ERBIN: variants seen among roughly 807,000 people sequenced by gnomAD.
The protein encoded by ERBIN is densin-180-like protein.
A neutral mutation model predicts 158.4 loss-of-function variants in ERBIN; 60 were observed. That is an observed-to-expected ratio of 0.38 (90% confidence interval 0.31 to 0.47). The LOEUF is 0.47. Among genes scored for constraint, ERBIN ranks in the 20% least tolerant of loss-of-function variants. The probability of loss-of-function intolerance (pLI) is 0.99; values close to 1 mark genes in which losing one functional copy is unlikely to be tolerated. For missense variants in ERBIN, 1,610 were observed against 1,648.0 expected, an observed-to-expected ratio of 0.98 and a Z score of 0.40; for synonymous variants, 594 against 557.2, an observed-to-expected ratio of 1.07 and a Z score of -0.93.
chr5:66,065,659 GTTT>G (rs1760919578), intron 21 of ERBIN, among the ~76,000 whole-genome samples: 1 of 121,068 alleles, frequency 8.3e-6, no homozygotes, highest in Non-Finnish European at 1.7e-5. Context: ...GTGTGTGTGT[GTTT>G]TGCTTTGTAT....
chr5:66,067,662 AAT>A (rs1413053939), intron 21 of ERBIN, among the ~76,000 whole-genome samples: 1 of 152,192 alleles, frequency 6.6e-6, no homozygotes, highest in Admixed American at 6.5e-5. Flanking sequence ...TAACTCCTAA[AAT>A]ATAGTGATCT....
rs557730935 is a variant in ERBIN at position 65,985,718 on chromosome 5, G to A, written c.-57-2917G>A. Among the ~76,000 whole-genome samples, 8 of 152,088 alleles carry A rather than the reference G, an allele frequency of 5.3e-5. No homozygotes were observed. In the South Asian group the frequency reaches 1.2e-3, roughly 24 times the overall value. On this transcript the variant is annotated intron_variant, in intron 1 of 25. Coordinates refer to ENST00000284037, the MANE Select transcript of ERBIN (RefSeq NM_001253697.2). ...TATCTCTTCATTCATATTCGGGTCC[G>A]GCAACTACTTGATTTTTCTAATGTT...
chr5:66,050,988 T>C, intron 20 of ERBIN, 22 bp downstream of exon 20: 1 of 1,511,310 alleles, frequency 6.6e-7, no homozygotes, highest in South Asian at 1.2e-5. Context: ...TCTTTTACAG[T>C]TTTTTATTTA....
At chr5:66,032,527 C>T (rs1005308688) in intron 14 of ERBIN, among the ~76,000 whole-genome samples, 2 of 152,090 alleles carry the variant, frequency 1.3e-5, no homozygotes, top group Non-Finnish European at 2.9e-5. Context: ...TATCTGCCAT[C>T]AGTATAAAAG....
intron 21 of ERBIN, among the ~76,000 whole-genome samples, chr5:66,066,752 C>G (rs374877369): frequency 3.9e-5 from 6 of 152,266 alleles, no homozygotes; most frequent in Admixed American, 2.6e-4. Context: ...GTAAGTGTTA[C>G]GTTCACTCGT....
intron 21 of ERBIN, among the ~76,000 whole-genome samples, chr5:66,058,447 A>G (rs1199725377): frequency 1.3e-5 from 2 of 151,768 alleles, no homozygotes; most frequent in East Asian, 3.9e-4. Context: ...CCTTTGTCAG[A>G]TGAGTAGGTT....
chr5:65,930,460 A>G lies in ERBIN; in HGVS notation c.-58+3654A>G, dbSNP rs145257497. 6.2e-3 allele frequency among the ~76,000 whole-genome samples: 951 copies of G among 152,230 alleles called. 12 individuals are homozygous for G. The highest frequency in any genetic ancestry group is 0.022 in the African/African-American group (911 of 41,544). Reference sequence around the variant, plus strand: ...GTAGCTGGGACTAGAGGCGCCCGCCACTGTGCCCGGCTAATTTTTTTGTAT... The same window carrying G: ...GTAGCTGGGACTAGAGGCGCCCGCCGCTGTGCCCGGCTAATTTTTTTGTAT... On this transcript the variant is annotated intron_variant, in intron 1 of 25. Coordinates refer to ENST00000284037, the MANE Select transcript of ERBIN (RefSeq NM_001253697.2).
At chr5:66,003,822 G>A (rs1430599878) in intron 4 of ERBIN, among the ~76,000 whole-genome samples, 1 of 149,706 alleles carries the variant, frequency 6.7e-6, no homozygotes, top group Non-Finnish European at 1.5e-5. Flanking sequence ...TTTCTCAGAA[G>A]TAAAGAGAGA....
chr5:66,029,879 C>T (rs551035268), intron 14 of ERBIN, among the ~76,000 whole-genome samples: 9 of 152,212 alleles, frequency 5.9e-5, no homozygotes, highest in Non-Finnish European at 1.3e-4. Flanking sequence ...CGTGAGCCAC[C>T]ACACCCTGCC....
chr5:65,979,725 A>G lies in ERBIN; in HGVS notation c.-57-8910A>G, dbSNP rs149087524. Among the ~76,000 whole-genome samples, 326 of 152,378 alleles carry G rather than the reference A, an allele frequency of 2.1e-3. 2 individuals carry two copies. The highest frequency in any genetic ancestry group is 7.7e-3 in the African/African-American group (320 of 41,592). ...TTTAAAAATTGATCAAATAGCCTTA[A>G]TAGCAGTTCTATGATAAGAAATAAA... On this transcript the variant is annotated intron_variant, in intron 1 of 25. Coordinates refer to ENST00000284037, the MANE Select transcript of ERBIN (RefSeq NM_001253697.2).
At chr5:65,939,334 G>A (rs1469799379) in intron 1 of ERBIN, among the ~76,000 whole-genome samples, 4 of 152,108 alleles carry the variant, frequency 2.6e-5, no homozygotes, top group Non-Finnish European at 5.9e-5. Context: ...CTACTTGGGA[G>A]GCTGAGGCAG....
chr5:66,015,689 T>G (rs186287467), intron 7 of ERBIN, among the ~76,000 whole-genome samples: 31 of 152,210 alleles, frequency 2.0e-4, no homozygotes, highest in Non-Finnish European at 4.1e-4. Context: ...ATTAAAAAAT[T>G]AGCCGGGCAC....
chr5:66,053,428 A>G lies in ERBIN; in HGVS notation c.2110A>G (p.Ser704Gly). ...KIRQEDENFN[S>G]LLQNGDILNS... ...TAGGCAAGAAGATGAAAATTTTAAC[A>G]GCCTTTTACAAAATGGAGATATTTT... Residue 704 changes from serine to glycine, a missense_variant, in exon 21 of 26, where the codon AGC becomes GGC. Physicochemically the swap from Ser to Gly is moderately conservative, Grantham distance 56. Coordinates refer to ENST00000284037, the MANE Select transcript of ERBIN (RefSeq NM_001253697.2). 1.4e-6 allele frequency: 2 copies of G among 1,469,188 alleles called. No homozygotes were observed. Among genetic ancestry groups the G allele is most frequent in the African/African-American group, 2.8e-5 (2 of 70,714 alleles). The allele number at this position is 1,469,188 out of a possible 1,614,324, so 91.0% of individuals were successfully genotyped here. A position where few individuals can be genotyped will look rare whatever the true frequency, so the allele number is the denominator to read the frequency against.
At chr5:65,931,849 G>A (rs1448342088) in intron 1 of ERBIN, among the ~76,000 whole-genome samples, 4 of 127,232 alleles carry the variant, frequency 3.1e-5, no homozygotes. Context: ...GATGGAGTTT[G>A]CTCTTGTTGC....
At chr5:65,975,367 G>A (rs1403116397) in intron 1 of ERBIN, among the ~76,000 whole-genome samples, 9 of 152,030 alleles carry the variant, frequency 5.9e-5, no homozygotes, top group Admixed American at 1.3e-4. Flanking sequence ...GTACAGTGGC[G>A]CAATCTCGGC....
At chr5:66,077,319 T>A (rs529420698) in intron 25 of ERBIN, among the ~76,000 whole-genome samples, 80 of 152,270 alleles carry the variant, frequency 5.3e-4, no homozygotes, top group Non-Finnish European at 9.8e-4. Flanking sequence ...CATTTTTTCC[T>A]GTCCCCTCCT....
chr5:66,062,142 A>C (rs1369448491), intron 21 of ERBIN, among the ~76,000 whole-genome samples: 1 of 152,130 alleles, frequency 6.6e-6, no homozygotes, highest in Admixed American at 6.5e-5. Context: ...AGTGTTTTCC[A>C]ACTTGGTTCC....
At position 66,069,302 on chromosome 5, in the gene ERBIN, A is replaced by G. The variant is rs115827890; in HGVS notation, c.3634-2867A>G. Among the ~76,000 whole-genome samples, 2,664 of 152,326 alleles carry G rather than the reference A, an allele frequency of 0.017. 82 individuals carry two copies. Among genetic ancestry groups the G allele is most frequent in the African/African-American group, 0.061 (2,551 of 41,548 alleles). On this transcript the variant is annotated intron_variant, in intron 21 of 25. Transcript: ENST00000284037. Reference sequence around the variant, plus strand: ...GAGATCTTCAAAAACTATTCTTTGTAGTATGTTTTCTCTTAATATTAAACT... The same window carrying G: ...GAGATCTTCAAAAACTATTCTTTGTGGTATGTTTTCTCTTAATATTAAACT...
At chr5:66,057,848 A>G (rs1401353654) in intron 21 of ERBIN, among the ~76,000 whole-genome samples, 1 of 151,418 alleles carries the variant, frequency 6.6e-6, no homozygotes, top group Non-Finnish European at 1.5e-5. Flanking sequence ...GATGGTTTCC[A>G]GCTTCATCCA....
Sources: allele counts gnomAD v4.1 joint callset (sites outside exome capture counted in the v4.1 genomes callset), GRCh38; gene constraint gnomAD v4.1.1; transcripts MANE v1.5; gene names NCBI Gene and HGNC (gene_info 2026-07-23, HGNC 2026-07-21).